The following ZEB1 variants were observed in gnomAD, a reference collection of about 807,000 sequenced individuals.
The protein encoded by ZEB1 is zinc finger E-box-binding homeobox 1.
In ZEB1, 21 loss-of-function variants were observed where a neutral mutation model predicts 84.9. The ratio of observed to expected loss-of-function variants is 0.25; its 90% CI spans 0.18 to 0.36. The LOEUF is 0.36. ZEB1 is among the 10% of genes least tolerant of loss of function. The pLI, the probability that ZEB1 is intolerant of heterozygous loss-of-function variation, is 1.00. For missense variants in ZEB1, 1,104 were observed against 1,330.2 expected, an observed-to-expected ratio of 0.83 and a Z score of 2.65; for synonymous variants, 420 against 471.1, an observed-to-expected ratio of 0.89 and a Z score of 1.41.
chr10:31,325,418 C>T (rs1185560553), intron 1 of ZEB1, among the ~76,000 whole-genome samples: 1 of 152,054 alleles, frequency 6.6e-6, no homozygotes, highest in African/African-American at 2.4e-5. Flanking sequence ...GTTTAATACA[C>T]GTTCCCTCTA....
intron 1 of ZEB1, chr10:31,355,126 T>C (rs1031252610): frequency 2.0e-5 from 3 of 152,176 alleles, no homozygotes; most frequent in African/African-American, 7.2e-5. Flanking sequence ...AAGTAAATTA[T>C]TCCTTTTTTT....
chr10:31,423,135 A>T (rs984980306), intron 1 of ZEB1, among the ~76,000 whole-genome samples: 2 of 152,104 alleles, frequency 1.3e-5, no homozygotes, highest in Non-Finnish European at 2.9e-5. Context: ...ACTGTGGCAT[A>T]GGAGTGTAAA....
Position 31,414,611 on chromosome 10 carries a change from G to A in ZEB1, c.59-46426G>A, listed in dbSNP as rs892017738. 2.0e-5 allele frequency among the ~76,000 whole-genome samples: 3 copies of A among 152,100 alleles called. No homozygotes were observed. The East Asian group carries it at 5.8e-4, about 29-fold the overall frequency. On this transcript the variant is annotated intron_variant, in intron 1 of 8. Transcript: ENST00000424869. ...CAACTAAGGCACAATCTCTAATTCT[G>A]TATCTGCATTGATGACTCAGTGATT...
chr10:31,381,138 A>G (rs980910307), intron 1 of ZEB1, among the ~76,000 whole-genome samples: 1 of 152,202 alleles, frequency 6.6e-6, no homozygotes, highest in Admixed American at 6.5e-5. Context: ...TCCACCCGTC[A>G]TCACTAACCC....
intron 1 of ZEB1, among the ~76,000 whole-genome samples, chr10:31,457,630 C>CAATG (rs2061384957): frequency 6.6e-6 from 1 of 151,958 alleles, no homozygotes; most frequent in East Asian, 1.9e-4. Flanking sequence ...ATCTATCTTA[C>CAATG]AATGGCAGCT....
At chr10:31,430,203 G>C (rs572576130) in intron 1 of ZEB1, among the ~76,000 whole-genome samples, 1 of 152,006 alleles carries the variant, frequency 6.6e-6, no homozygotes, top group East Asian at 1.9e-4. Context: ...TTAAGATTTC[G>C]TACTAGTTAA....
At chr10:31,372,280 A>G (rs542656014) in intron 1 of ZEB1, among the ~76,000 whole-genome samples, 1 of 152,216 alleles carries the variant, frequency 6.6e-6, no homozygotes, top group African/African-American at 2.4e-5. Context: ...GCCAACTTAT[A>G]GCTGAGCACA....
intron 2 of ZEB1, among the ~76,000 whole-genome samples, chr10:31,481,157 G>C (rs2064993842): frequency 6.6e-6 from 1 of 152,056 alleles, no homozygotes; most frequent in Non-Finnish European, 1.5e-5. Context: ...ATAAGACCCA[G>C]ATTTCTCACC....
chr10:31,403,704 A>C (rs1325630078), intron 1 of ZEB1, among the ~76,000 whole-genome samples: 2 of 152,030 alleles, frequency 1.3e-5, no homozygotes, highest in African/African-American at 4.8e-5. Context: ...AATACTGTGG[A>C]TATTAAAGAG....
chr10:31,430,910 C>A (rs1233226628), intron 1 of ZEB1, among the ~76,000 whole-genome samples: 1 of 152,166 alleles, frequency 6.6e-6, no homozygotes, highest in Non-Finnish European at 1.5e-5. Flanking sequence ...TACTTACTTT[C>A]ATTGAAGAAA....
chr10:31,397,175 T>C (rs1459479256), intron 1 of ZEB1, among the ~76,000 whole-genome samples: 1 of 144,550 alleles, frequency 6.9e-6, no homozygotes, highest in Non-Finnish European at 1.5e-5. Context: ...ATTATTATTA[T>C]TATTATTATT....
Position 31,368,512 on chromosome 10 carries a change from CA to C in ZEB1, c.58+49223del, listed in dbSNP as rs2045029338. Among the ~76,000 whole-genome samples the C allele has an allele frequency of 2.6e-5, 4 of 152,236 alleles. No homozygotes were observed. In the South Asian group the frequency reaches 8.3e-4, roughly 32 times the overall value. On this transcript the variant is annotated intron_variant, in intron 1 of 8. Coordinates refer to ENST00000424869, the MANE Select transcript of ZEB1 (RefSeq NM_001174096.2). The stretch of plus-strand genomic sequence containing the variant: ...CTTACTTATAATACCTAATACAATA[CA>C]AATGCTGTGTAAATAGCTATTATAT...
rs1301538507 is a variant in ZEB1, at chr10:31,321,047, G to T, written c.58+1755G>T. 1.1e-5 allele frequency: 8 copies of T among 711,000 alleles called. No individual in the cohort carries two copies. The African/African-American group carries it at 1.5e-4, about 14-fold the overall frequency. The allele number at this position is 711,000 out of a possible 1,614,324, so 44.0% of individuals were successfully genotyped here. A position where few individuals can be genotyped will look rare whatever the true frequency, so the allele number is the denominator to read the frequency against. Reference sequence around the variant, plus strand: ...CAATAAATGCGTCTATAATGGGACCGCTGCAGCGTCGAGAAAACGAGGAAA... The same window carrying T: ...CAATAAATGCGTCTATAATGGGACCTCTGCAGCGTCGAGAAAACGAGGAAA... On this transcript the variant is annotated intron_variant, in intron 1 of 8. Coordinates refer to ENST00000424869, the MANE Select transcript of ZEB1 (RefSeq NM_001174096.2).
chr10:31,478,382 G>A (rs939334748), intron 2 of ZEB1, among the ~76,000 whole-genome samples: 1 of 151,928 alleles, frequency 6.6e-6, no homozygotes. Flanking sequence ...AGAGAGAAGG[G>A]TATTCTTATA....
intron 1 of ZEB1, among the ~76,000 whole-genome samples, chr10:31,390,849 A>G (rs1239845678): frequency 6.6e-6 from 1 of 152,182 alleles, no homozygotes; most frequent in Non-Finnish European, 1.5e-5. Flanking sequence ...ACAGAGGAAC[A>G]TCTTTCCGTT....
rs373826858 is a variant in ZEB1 at position 31,520,277 on chromosome 10, G to A, written c.945G>A (p.Pro315=). 2.0e-5 allele frequency: 32 copies of A among 1,613,740 alleles called. No individual in the cohort carries two copies. Among genetic ancestry groups the A allele is most frequent in the South Asian group, 6.6e-5 (6 of 91,070 alleles). Residue 315 remains proline, a synonymous_variant, in exon 7 of 9, where the codon CCG becomes CCA. Transcript: ENST00000424869. This position sits in a 1 kb window ranked among gnomAD's most constrained non-coding sequence, Gnocchi z 5.1. ...TCAAGACATCTCAGTGTTCTTCACCGTCTCTTTCAGCATCACCAGGCAGTC... is the reference window on the plus strand; with the variant it reads ...TCAAGACATCTCAGTGTTCTTCACCATCTCTTTCAGCATCACCAGGCAGTC... ...TGLKTSQCSS[P]SLSASPGSPT... is the part of the protein sequence containing the mutation.
chr10:31,354,566 T>G (rs976265819), intron 1 of ZEB1, among the ~76,000 whole-genome samples: 1 of 152,182 alleles, frequency 6.6e-6, no homozygotes, highest in Non-Finnish European at 1.5e-5. Flanking sequence ...ACTTTTAGGA[T>G]TGATAGTGTC....
At position 31,465,541 on chromosome 10, in the gene ZEB1, CAGT is replaced by C. The variant is rs528497327; in HGVS notation, c.259+4308_259+4310del. ...AACTTTTCAGAAAACAATAAAATGG[CAGT>C]AGTTTTTACTTATCAATAATTACTT... On this transcript the variant is annotated intron_variant, in intron 2 of 8. Coordinates refer to ENST00000424869, the MANE Select transcript of ZEB1 (RefSeq NM_001174096.2). Among the ~76,000 whole-genome samples, 488 of 151,940 alleles carry C rather than the reference CAGT, an allele frequency of 3.2e-3. 2 individuals carry two copies. Among genetic ancestry groups the C allele is most frequent in the African/African-American group, 0.011 (457 of 41,484 alleles).
rs1319495188 is a variant in ZEB1, at chr10:31,523,918, C to T, written c.2605-15C>T. On this transcript the variant is annotated splice_polypyrimidine_tract_variant and intron_variant, in intron 7 of 8. Transcript: ENST00000424869. Reference sequence around the variant, plus strand: ...TAATGTTAAATTACATTTTCTCACACCTTTCTCCCTCTAGGATGAAAGACA... The same window carrying T: ...TAATGTTAAATTACATTTTCTCACATCTTTCTCCCTCTAGGATGAAAGACA... 2 of 1,612,488 alleles carry T rather than the reference C, an allele frequency of 1.2e-6. No homozygotes were observed. Among genetic ancestry groups the T allele is most frequent in the Admixed American group, 1.7e-5 (1 of 59,980 alleles).
Sources: gnomAD v4.1 joint callset for allele counts (sites outside exome capture counted in the v4.1 genomes callset) on GRCh38, gnomAD v4.1.1 for gene constraint, Gnocchi (gnomAD v3.1) non-coding constraint, MANE v1.5 for transcripts, NCBI Gene and HGNC (gene_info 2026-07-23, HGNC 2026-07-21) for gene names.